The following NELL2 variants were observed in gnomAD, a reference collection of about 807,000 sequenced individuals.
NELL2 encodes neural EGFL like 2, also known as protein kinase C-binding protein NELL2.
Under a neutral mutation model 109.6 loss-of-function variants are expected in NELL2, and 41 were observed. The ratio of observed to expected loss-of-function variants is 0.37; its 90% CI spans 0.29 to 0.49. The LOEUF (loss-of-function observed/expected upper bound fraction) is 0.49, where lower values mean the gene tolerates loss of function less well. Among genes scored for constraint, NELL2 ranks in the 20% least tolerant of loss-of-function variants. The pLI, the probability that NELL2 is intolerant of heterozygous loss-of-function variation, is 0.98. For synonymous variants in NELL2, 355 were observed against 344.7 expected (o/e 1.03, Z -0.33); for missense variants, 900 against 1,008.3 (o/e 0.89, Z 1.45).
rs34987677 is a variant in NELL2, at chr12:44,610,241, C to CA, written c.1567+606dup. The stretch of plus-strand genomic sequence containing the variant: ...TAGCCTCCGACAGCTCACAAGAGAG[C>CA]AAAAAAAAAAAAACAAAAAAAAAAA... On this transcript the variant is annotated intron_variant, in intron 14 of 19. Coordinates refer to ENST00000429094, the MANE Select transcript of NELL2 (RefSeq NM_001145108.2). 4.0e-3 allele frequency among the ~76,000 whole-genome samples: 450 copies of CA among 113,840 alleles called. 2 individuals are homozygous for CA. The highest frequency in any genetic ancestry group is 0.017 in the South Asian group (58 of 3,408). 74.7% of individuals were successfully genotyped at this position (113,840 alleles called of 152,430 possible).
chr12:44,600,738 C>T (rs1279410947), intron 15 of NELL2, among the ~76,000 whole-genome samples: 1 of 152,270 alleles, frequency 6.6e-6, no homozygotes, highest in South Asian at 2.1e-4. Context: ...ACTACTCTGT[C>T]TAACAAGGAC....
At chr12:44,558,365 G>C (rs1283844618) in intron 15 of NELL2, among the ~76,000 whole-genome samples, 1 of 152,216 alleles carries the variant, frequency 6.6e-6, no homozygotes, top group Non-Finnish European at 1.5e-5. Context: ...ATCAGGGGCT[G>C]GCAAGATGGC....
chr12:44,567,164 ACT>A (rs910267689), intron 15 of NELL2, among the ~76,000 whole-genome samples: 18 of 152,000 alleles, frequency 1.2e-4, no homozygotes, highest in African/African-American at 3.4e-4. Context: ...AAACACAAAA[ACT>A]CTATACGTTT....
At chr12:44,620,833 G>A (rs1017978886) in intron 13 of NELL2, among the ~76,000 whole-genome samples, 1 of 152,120 alleles carries the variant, frequency 6.6e-6, no homozygotes, top group Non-Finnish European at 1.5e-5. Flanking sequence ...TAGTGCAATA[G>A]CCTCATAATG....
intron 1 of NELL2, among the ~76,000 whole-genome samples, chr12:44,887,014 C>T: frequency 6.6e-6 from 1 of 152,040 alleles, no homozygotes; most frequent in Non-Finnish European, 1.5e-5. Flanking sequence ...TTCATCCATT[C>T]ATCCAGTGAT....
intron 15 of NELL2, among the ~76,000 whole-genome samples, chr12:44,588,537 G>A (rs563506566): frequency 6.6e-6 from 1 of 152,308 alleles, no homozygotes; most frequent in African/African-American, 2.4e-5. Flanking sequence ...CGCTGCAGAT[G>A]GCACTGAAAG....
Position 44,827,253 on chromosome 12 carries a change from G to A in NELL2, c.185-11117C>T, listed in dbSNP as rs576235785. 1.1e-3 allele frequency among the ~76,000 whole-genome samples: 163 copies of A among 152,150 alleles called. 1 individual carries two copies. The highest frequency in any genetic ancestry group is 3.4e-3 in the African/African-American group (141 of 41,498). On this transcript the variant is annotated intron_variant, in intron 2 of 19. Transcript: ENST00000429094. ...ATGATATTGAGGTAATCACATCAGG[G>A]TAAATGGGGTATCCATCACCTCAAG... is the stretch of plus-strand genomic sequence containing the variant.
chr12:44,776,207 T>C (rs1941752065), intron 7 of NELL2, 57 bp from the exon 8 acceptor site: 1 of 1,594,446 alleles, frequency 6.3e-7, no homozygotes, highest in Admixed American at 1.8e-5. Context: ...CACAGAAATG[T>C]GAAACACTCC....
intron 17 of NELL2, 157 bp downstream of exon 17, chr12:44,523,134 G>A (rs112045335): frequency 2.8e-5 from 21 of 759,890 alleles, no homozygotes; most frequent in African/African-American, 2.6e-4. Flanking sequence ...AAGAACATAG[G>A]CAACATTTGG....
At chr12:44,665,789 T>C (rs1947906960) in intron 12 of NELL2, among the ~76,000 whole-genome samples, 180 bp from the exon 13 acceptor site, 1 of 152,240 alleles carries the variant, frequency 6.6e-6, no homozygotes, top group African/African-American at 2.4e-5. Context: ...ATGAGTTTTT[T>C]TCCAACAGCT....
chr12:44,526,753 G>A (rs913546978), intron 16 of NELL2, among the ~76,000 whole-genome samples: 2 of 152,208 alleles, frequency 1.3e-5, no homozygotes, highest in African/African-American at 4.8e-5. Context: ...GCAGAAGAAT[G>A]GGGAGGGATG....
chr12:44,571,421 T>C (rs1412342599), intron 15 of NELL2, among the ~76,000 whole-genome samples: 1 of 152,184 alleles, frequency 6.6e-6, no homozygotes, highest in Non-Finnish European at 1.5e-5. Flanking sequence ...AAATGGTATA[T>C]GGTGAAAGTT....
chr12:44,858,446 C>T (rs1477551304), intron 2 of NELL2, among the ~76,000 whole-genome samples: 1 of 152,166 alleles, frequency 6.6e-6, no homozygotes, highest in Non-Finnish European at 1.5e-5. Context: ...AGACTATTAG[C>T]AGAGGCGTCA....
At chr12:44,771,518 T>A (rs976143099) in intron 9 of NELL2, among the ~76,000 whole-genome samples, 1 of 152,182 alleles carries the variant, frequency 6.6e-6, no homozygotes, top group African/African-American at 2.4e-5. Flanking sequence ...AAAGTATGTG[T>A]CTTGTAACCT....
Position 44,581,920 on chromosome 12 carries a change from C to A in NELL2, c.1663+25249G>T, listed in dbSNP as rs181529161. Among the ~76,000 whole-genome samples, 933 of 152,190 alleles carry A rather than the reference C, an allele frequency of 6.1e-3. 8 individuals carry two copies. Among genetic ancestry groups the A allele is most frequent in the African/African-American group, 0.021 (876 of 41,544 alleles). ...GATGATTGCTTTAATTTTAAAAATTCAAGTCAACAAAACATTTTAAGCTCA... is the reference window on the plus strand; with the variant it reads ...GATGATTGCTTTAATTTTAAAAATTAAAGTCAACAAAACATTTTAAGCTCA... On this transcript the variant is annotated intron_variant, in intron 15 of 19. Coordinates refer to ENST00000429094, the MANE Select transcript of NELL2 (RefSeq NM_001145108.2).
chr12:44,636,017 T>A (rs1244126959), intron 13 of NELL2, among the ~76,000 whole-genome samples: 1 of 152,200 alleles, frequency 6.6e-6, no homozygotes, highest in African/African-American at 2.4e-5. Context: ...GTAAGTTGTA[T>A]TCCTAGGTAT....
chr12:44,586,523 C>T (rs750334133), intron 15 of NELL2, among the ~76,000 whole-genome samples: 41 of 151,958 alleles, frequency 2.7e-4, no homozygotes, highest in Non-Finnish European at 5.3e-4. Flanking sequence ...ATATAATTTT[C>T]GAGTTTCTCC....
intron 1 of NELL2, among the ~76,000 whole-genome samples, chr12:44,903,968 A>G (rs1945691942): frequency 6.6e-6 from 1 of 152,114 alleles, no homozygotes; most frequent in South Asian, 2.1e-4. Context: ...GCAAACCACC[A>G]GGGCACATGT....
chr12:44,780,277 G>C (rs1941909132), intron 3 of NELL2, among the ~76,000 whole-genome samples: 1 of 151,952 alleles, frequency 6.6e-6, no homozygotes, highest in South Asian at 2.1e-4. Flanking sequence ...TGGAGCTAAA[G>C]AAGGCTTCAA....
Sources: allele counts gnomAD v4.1 joint callset (sites outside exome capture counted in the v4.1 genomes callset), GRCh38; gene constraint gnomAD v4.1.1; transcripts MANE v1.5; gene names NCBI Gene and HGNC (gene_info 2026-07-23, HGNC 2026-07-21).